The following SENP1 variants were observed in gnomAD, a reference collection of about 807,000 sequenced individuals.
SENP1 encodes the protein sentrin-specific protease 1.
SENP1 carries 21 observed loss-of-function variants against 93.0 expected under a neutral mutation model. That is an observed-to-expected ratio of 0.23 (90% CI 0.16 to 0.33). The LOEUF is 0.33. SENP1 is among the 10% of genes least tolerant of loss of function. The probability of loss-of-function intolerance (pLI) is 1.00; values close to 1 mark genes in which losing one functional copy is unlikely to be tolerated. For missense variants in SENP1, 591 were observed against 758.7 expected (o/e 0.78, Z 2.60); for synonymous variants, 256 against 259.6 (o/e 0.99, Z 0.13).
At chr12:48,056,165 ATAT>A (rs1372711838) in intron 13 of SENP1, among the ~76,000 whole-genome samples, 4 of 113,162 alleles carry the variant, frequency 3.5e-5, no homozygotes, top group Non-Finnish European at 6.5e-5. Context: ...TATATAGTAT[ATAT>A]TATTTTATAT....
chr12:48,074,870 G>C, intron 6 of SENP1, 77 bp from the exon 7 acceptor site: 1 of 908,714 alleles, frequency 1.1e-6, no homozygotes, highest in African/African-American at 1.7e-5. Context: ...CATGTAAACA[G>C]AATCCTAGCT....
chr12:48,051,555 C>T (rs1457128298), intron 13 of SENP1, among the ~76,000 whole-genome samples: 1 of 152,026 alleles, frequency 6.6e-6, no homozygotes, highest in Non-Finnish European at 1.5e-5. Context: ...ATTACACCAT[C>T]CAAATGAGGA....
chr12:48,103,462 C>A (rs1357469584), intron 1 of SENP1, among the ~76,000 whole-genome samples: 2 of 152,212 alleles, frequency 1.3e-5, no homozygotes, highest in Non-Finnish European at 2.9e-5. Flanking sequence ...GGAATCCACA[C>A]TGATTTATAA....
At chr12:48,094,562 C>T (rs1368605897) in intron 4 of SENP1, among the ~76,000 whole-genome samples, 2 of 152,042 alleles carry the variant, frequency 1.3e-5, no homozygotes, top group Non-Finnish European at 2.9e-5. Context: ...CAGCTGTAAT[C>T]CTAGCTACTC....
intron 13 of SENP1, among the ~76,000 whole-genome samples, chr12:48,057,522 G>A (rs185901314): frequency 1.1e-3 from 164 of 147,530 alleles, no homozygotes; most frequent in African/African-American, 3.7e-3. Context: ...GAGCCACTGC[G>A]CCCGACCTGT....
At chr12:48,083,497 G>T in intron 6 of SENP1, 94 bp downstream of exon 6, 2 of 957,774 alleles carry the variant, frequency 2.1e-6, no homozygotes, top group East Asian at 2.6e-5. Context: ...AAAATAGAAT[G>T]GTTCTTAAAC....
rs536095078 is a variant in SENP1 at position 48,094,555 on chromosome 12, C to T, written c.220+1788G>A. Among the ~76,000 whole-genome samples the T allele has an allele frequency of 2.6e-5, 4 of 152,200 alleles. No individual in the cohort carries two copies. The South Asian group carries it at 6.2e-4, about 24-fold the overall frequency. ...ATTAGCCGGGCATGGTGGCAGGCAG[C>T]TGTAATCCTAGCTACTCGGGAGGCT... is the stretch of plus-strand genomic sequence containing the variant. On this transcript the variant is annotated intron_variant, in intron 4 of 17. Coordinates refer to ENST00000549518, the MANE Select transcript of SENP1 (RefSeq NM_001267594.2).
intron 17 of SENP1, 25 bp downstream of exon 17, chr12:48,046,331 G>A: frequency 6.6e-7 from 1 of 1,509,980 alleles, no homozygotes; most frequent in Non-Finnish European, 9.2e-7. Flanking sequence ...TAATCCTAGA[G>A]CTCCCTATGG....
At chr12:48,050,028 G>A (rs1941675145) in intron 13 of SENP1, among the ~76,000 whole-genome samples, 1 of 152,162 alleles carries the variant, frequency 6.6e-6, no homozygotes, top group African/African-American at 2.4e-5. Context: ...TGACTATGTT[G>A]TGTATGGTTC....
At chr12:48,046,714 A>G (rs1941395418) in intron 16 of SENP1, among the ~76,000 whole-genome samples, 4 of 152,152 alleles carry the variant, frequency 2.6e-5, no homozygotes, top group African/African-American at 9.7e-5. Context: ...CCTCCCCCAG[A>G]GGCCAAATAA....
At chr12:48,099,739 G>A (rs558486757) in intron 2 of SENP1, among the ~76,000 whole-genome samples, 1 of 152,188 alleles carries the variant, frequency 6.6e-6, no homozygotes, top group Admixed American at 6.5e-5. Context: ...TGAACCCAAG[G>A]CAGAGGATGG....
chr12:48,066,347 C>T (rs907460526), intron 10 of SENP1, among the ~76,000 whole-genome samples: 6 of 151,940 alleles, frequency 3.9e-5, no homozygotes, highest in African/African-American at 1.2e-4. Context: ...TTTACAAATG[C>T]CAAAATAGGA....
At chr12:48,049,166 A>G (rs368936719) in intron 13 of SENP1, 34 bp from the exon 14 acceptor site, 7 of 1,527,052 alleles carry the variant, frequency 4.6e-6, no homozygotes, top group African/African-American at 4.1e-5. Context: ...TAGAATAGAC[A>G]CTCAGGCCTA....
At position 48,074,390 on chromosome 12, in the gene SENP1, G is replaced by A. The variant is rs763754991; in HGVS notation, c.874C>T (p.Pro292Ser). The change falls in exon 8 of 18, where the codon CCC becomes TCC. Residue 292 changes from proline to serine, a missense_variant. Pro to Ser is a moderately conservative substitution (Grantham distance 74). Around this residue, in one of 4 missense-constraint regions of SENP1, gnomAD observed 238 missense variants for 259.1 expected, o/e 0.92. Transcript: ENST00000549518. ...TGTGGAACAGAGTGGTGATGATGGG[G>A]ATGATGAAGAGTACCAGAATCTTTG... ...GSKDSGTLHH[P>S]HHHHSVPHQP... 1 of 1,613,672 alleles carries A rather than the reference G, an allele frequency of 6.2e-7. No homozygotes were observed. The highest frequency in any genetic ancestry group is 1.3e-5 in the African/African-American group (1 of 74,906).
chr12:48,062,684 G>T (rs903168589), intron 13 of SENP1, among the ~76,000 whole-genome samples: 3 of 152,188 alleles, frequency 2.0e-5, no homozygotes, highest in African/African-American at 7.2e-5. Flanking sequence ...TGGCTCTGCT[G>T]TTTACTAGCT....
At chr12:48,091,122 A>G (rs1945199407) in intron 4 of SENP1, among the ~76,000 whole-genome samples, 1 of 152,164 alleles carries the variant, frequency 6.6e-6, no homozygotes, top group Admixed American at 6.5e-5. Flanking sequence ...GACAAGCAAT[A>G]CTTTTATGAA....
chr12:48,077,479 G>A (rs1345319909), intron 6 of SENP1, among the ~76,000 whole-genome samples: 2 of 152,046 alleles, frequency 1.3e-5, no homozygotes, highest in African/African-American at 4.8e-5. Context: ...TCTACATATG[G>A]AAATATAATT....
intron 4 of SENP1, among the ~76,000 whole-genome samples, chr12:48,089,974 A>G (rs1592448404): frequency 1.3e-5 from 2 of 152,326 alleles, no homozygotes; most frequent in African/African-American, 2.4e-5. Context: ...CTTCCAAAAT[A>G]TAATTTTGTG....
intron 4 of SENP1, among the ~76,000 whole-genome samples, 195 bp downstream of exon 4, chr12:48,096,148 T>C (rs1056610528): frequency 3.9e-5 from 6 of 152,196 alleles, no homozygotes; most frequent in South Asian, 2.1e-4. Flanking sequence ...AAACCAGTAT[T>C]TGGATGAGAC....
Sources: allele counts gnomAD v4.1 joint callset (sites outside exome capture counted in the v4.1 genomes callset), GRCh38; gene constraint gnomAD v4.1.1; regional missense constraint gnomAD v4.1.1; transcripts MANE v1.5; gene names NCBI Gene and HGNC (gene_info 2026-07-23, HGNC 2026-07-21).